Variants in XPR1 observed in about 807,000 individuals in gnomAD.
The protein encoded by XPR1 is xenotropic and polytropic retrovirus receptor 1.
A neutral mutation model predicts 87.5 loss-of-function variants in XPR1; 28 were observed. The observed-to-expected ratio is 0.32, with a 90% CI of 0.24 to 0.44. The LOEUF (loss-of-function observed/expected upper bound fraction) is 0.44. XPR1 is among the 20% of genes least tolerant of loss of function. The pLI is 1.00. For missense variants in XPR1, 559 were observed against 862.3 expected (o/e 0.65, Z 4.41); for synonymous variants, 300 against 306.1 (o/e 0.98, Z 0.21).
At chr1:180,632,383 A>C in intron 1 of XPR1, 113 bp downstream of exon 1, 1 of 1,378,326 alleles carries the variant, frequency 7.3e-7, no homozygotes, top group Non-Finnish European at 1.0e-6. Context: ...GCAGACTTTG[A>C]CCCGCTGCCG....
At chr1:180,693,953 T>A (rs1269227612) in intron 2 of XPR1, among the ~76,000 whole-genome samples, 5 of 152,114 alleles carry the variant, frequency 3.3e-5, no homozygotes, top group Non-Finnish European at 7.4e-5. Context: ...CTTAAAAAAA[T>A]TTTTGTTGTT....
chr1:180,807,825 T>G (rs1650056632), intron 6 of XPR1, among the ~76,000 whole-genome samples: 1 of 152,120 alleles, frequency 6.6e-6, no homozygotes, highest in African/African-American at 2.4e-5. Flanking sequence ...GCCAACATGA[T>G]GAAACCCCAT....
chr1:180,744,457 T>A (rs1035499124), intron 2 of XPR1, among the ~76,000 whole-genome samples: 3 of 152,144 alleles, frequency 2.0e-5, no homozygotes, highest in Admixed American at 2.0e-4. Flanking sequence ...TGTTACATAA[T>A]TCCAACATCT....
At chr1:180,833,513 A>C (rs72723045) in intron 9 of XPR1, among the ~76,000 whole-genome samples, 27,550 of 150,862 alleles carry the variant, frequency 0.18, 3,016 homozygotes, top group Middle Eastern at 0.31. Flanking sequence ...GCAAAAAAAA[A>C]CACAAAAAAA....
At chr1:180,671,328 A>G (rs1445654676) in intron 1 of XPR1, among the ~76,000 whole-genome samples, 1 of 152,228 alleles carries the variant, frequency 6.6e-6, no homozygotes, top group Non-Finnish European at 1.5e-5. Flanking sequence ...TAAACCAGTT[A>G]AAATTCTGTT....
chr1:180,632,704 C>CT (rs948348181), intron 1 of XPR1, among the ~76,000 whole-genome samples: 1 of 152,234 alleles, frequency 6.6e-6, no homozygotes, highest in Admixed American at 6.5e-5. Flanking sequence ...TTGTTTCTCT[C>CT]TCTACACCTC....
intron 2 of XPR1, among the ~76,000 whole-genome samples, chr1:180,741,186 C>T (rs564289451): frequency 5.9e-5 from 9 of 152,176 alleles, no homozygotes; most frequent in East Asian, 1.9e-4. Context: ...TTTTTTGAGA[C>T]GGAGTCTCAC....
intron 12 of XPR1, among the ~76,000 whole-genome samples, chr1:180,865,961 C>T (rs147120648): frequency 3.9e-5 from 6 of 152,190 alleles, no homozygotes; most frequent in Non-Finnish European, 7.4e-5. Flanking sequence ...CCTGTAATCC[C>T]AGCACTTTGG....
chr1:180,660,135 T>G (rs1655716741), intron 1 of XPR1, among the ~76,000 whole-genome samples: 1 of 152,150 alleles, frequency 6.6e-6, no homozygotes, highest in Non-Finnish European at 1.5e-5. Flanking sequence ...TTTCTCTAGA[T>G]TTTCCATCTT....
Position 180,824,958 on chromosome 1 carries a change from A to G in XPR1, c.954+15A>G. ...ATCTCTTTGAGGTAATCAAAGCAAG[A>G]CATAACACCTCATGAATATAGTTTG... is the stretch of plus-strand genomic sequence containing the variant. On this transcript the variant is annotated intron_variant, in intron 8 of 14. Coordinates refer to ENST00000367590, the MANE Select transcript of XPR1 (RefSeq NM_004736.4). 1 of 1,610,220 alleles carries G rather than the reference A, an allele frequency of 6.2e-7. No homozygotes were observed. The highest frequency in any genetic ancestry group is 8.5e-7 in the Non-Finnish European group (1 of 1,178,482).
intron 2 of XPR1, among the ~76,000 whole-genome samples, chr1:180,776,392 T>C (rs148562930): frequency 2.0e-5 from 3 of 152,002 alleles, no homozygotes; most frequent in Non-Finnish European, 2.9e-5. Context: ...GCATTTAATT[T>C]CCATTATAAT....
chr1:180,760,069 C>A (rs1418858322), intron 2 of XPR1, among the ~76,000 whole-genome samples: 5 of 152,186 alleles, frequency 3.3e-5, no homozygotes, highest in Non-Finnish European at 7.3e-5. Context: ...AGCAACCCTT[C>A]ATGCTAAAAA....
At chr1:180,822,446 A>G (rs951300657) in intron 7 of XPR1, among the ~76,000 whole-genome samples, 12 of 152,112 alleles carry the variant, frequency 7.9e-5, no homozygotes, top group Admixed American at 5.2e-4. Flanking sequence ...ACCTAACATC[A>G]TTCTTTATCT....
intron 11 of XPR1, among the ~76,000 whole-genome samples, chr1:180,850,606 A>G (rs1239387037): frequency 2.6e-5 from 4 of 152,116 alleles, no homozygotes; most frequent in Non-Finnish European, 5.9e-5. Context: ...GTTTCTGCCC[A>G]TATGTATGTA....
intron 1 of XPR1, among the ~76,000 whole-genome samples, chr1:180,650,678 T>A (rs1224452286): frequency 6.6e-6 from 1 of 152,230 alleles, no homozygotes; most frequent in Non-Finnish European, 1.5e-5. Flanking sequence ...GAAGGGGTTC[T>A]TTGAGGATAT....
Position 180,886,342 on chromosome 1 carries a change from G to A in XPR1, c.*2276G>A, listed in dbSNP as rs1318044548. On this transcript the variant is annotated 3_prime_UTR_variant, in exon 15 of 15. Transcript: ENST00000367590. Reference sequence around the variant, plus strand: ...TAAATAAAATTGGTGGTACTAATGTGTATCCAGAGACATTTGAATTATTAA... The same window carrying A: ...TAAATAAAATTGGTGGTACTAATGTATATCCAGAGACATTTGAATTATTAA... The A allele has an allele frequency of 2.6e-5, 4 of 152,196 alleles. No homozygotes were observed. Among genetic ancestry groups the A allele is most frequent in the African/African-American group, 9.7e-5 (4 of 41,450 alleles). The allele number at this position is 152,196 out of a possible 1,614,324, so 9.4% of individuals were successfully genotyped here.
intron 2 of XPR1, among the ~76,000 whole-genome samples, chr1:180,694,773 G>GCA (rs56118040): frequency 0.027 from 4,036 of 149,586 alleles, 62 homozygotes; most frequent in Middle Eastern, 0.043. Context: ...ATTGTTGTGT[G>GCA]CACACACACA....
Position 180,837,529 on chromosome 1 carries a change from G to T in XPR1, c.1501+813G>T, listed in dbSNP as rs748582396. Among the ~76,000 whole-genome samples, 3 of 151,982 alleles carry T rather than the reference G, an allele frequency of 2.0e-5. No individual in the cohort carries two copies. The East Asian group carries it at 5.8e-4, about 29-fold the overall frequency. ...GAGCTTTGGCCAGTGCTACAAAATT[G>T]CTGTCAATCTAAAGTGTGTCTAACG... On this transcript the variant is annotated intron_variant, in intron 11 of 14. Transcript: ENST00000367590.
intron 2 of XPR1, among the ~76,000 whole-genome samples, chr1:180,690,003 A>G (rs10399869): frequency 0.043 from 6,526 of 152,110 alleles, 502 homozygotes; most frequent in African/African-American, 0.15. Context: ...TAAAAATACA[A>G]AAATTAGCTG....
Sources: gnomAD v4.1 joint callset for allele counts (sites outside exome capture counted in the v4.1 genomes callset) on GRCh38, gnomAD v4.1.1 for gene constraint, MANE v1.5 for transcripts, NCBI Gene and HGNC (gene_info 2026-07-23, HGNC 2026-07-21) for gene names.